ROBO2: variants seen among roughly 807,000 people sequenced by gnomAD.
The protein encoded by ROBO2 is roundabout homolog 2.
In ROBO2, 53 loss-of-function variants were observed where a neutral mutation model predicts 160.8. The observed-to-expected ratio is 0.33, with a 90% CI of 0.26 to 0.41. The LOEUF (loss-of-function observed/expected upper bound fraction) is 0.41, where lower values mean the gene tolerates loss of function less well. ROBO2 is among the 10% of genes least tolerant of loss of function. The pLI, the probability that ROBO2 is intolerant of heterozygous loss-of-function variation, is 1.00. For missense variants in ROBO2, 1,577 were observed against 1,722.4 expected (o/e 0.92, Z 1.49); for synonymous variants, 664 against 611.7 (o/e 1.09, Z -1.26).
At chr3:76,222,718 C>T (rs181019620) in intron 2 of ROBO2, among the ~76,000 whole-genome samples, 1 of 152,070 alleles carries the variant, frequency 6.6e-6, no homozygotes, top group East Asian at 1.9e-4. Context: ...TCAATAAATT[C>T]AGACTGATCC....
intron 1 of ROBO2, among the ~76,000 whole-genome samples, chr3:77,056,984 A>G (rs541335754): frequency 3.9e-5 from 6 of 152,326 alleles, no homozygotes; most frequent in Admixed American, 6.5e-5. Flanking sequence ...AGGATTATCA[A>G]TCATGCTGCT....
chr3:76,617,203 G>A (rs770101932), intron 2 of ROBO2, among the ~76,000 whole-genome samples: 9 of 152,036 alleles, frequency 5.9e-5, no homozygotes, highest in South Asian at 2.1e-4. Flanking sequence ...TCATCTCCCC[G>A]AAACCTGAAA....
chr3:77,221,640 A>G (rs2085804728), intron 2 of ROBO2, among the ~76,000 whole-genome samples: 1 of 152,070 alleles, frequency 6.6e-6, no homozygotes, highest in African/African-American at 2.4e-5. Context: ...AAATAACTCA[A>G]TGACTATTCT....
chr3:77,526,582 T>C (rs1425557526), intron 6 of ROBO2, among the ~76,000 whole-genome samples: 1 of 151,586 alleles, frequency 6.6e-6, no homozygotes, highest in African/African-American at 2.4e-5. Flanking sequence ...TAGCGTGTTA[T>C]TCATTTTTAA....
intron 6 of ROBO2, among the ~76,000 whole-genome samples, chr3:77,530,476 A>T (rs2091604874): frequency 6.6e-6 from 1 of 152,014 alleles, no homozygotes. Context: ...CCTTGCAGTC[A>T]CAGTTGGAAT....
At chr3:76,060,043 T>C (rs1229412280) in intron 2 of ROBO2, among the ~76,000 whole-genome samples, 1 of 152,146 alleles carries the variant, frequency 6.6e-6, no homozygotes, top group African/African-American at 2.4e-5. Flanking sequence ...CTCTTTTATA[T>C]ATTTTTAAGA....
chr3:77,531,848 T>C (rs533280737), intron 6 of ROBO2, among the ~76,000 whole-genome samples: 9 of 152,202 alleles, frequency 5.9e-5, no homozygotes, highest in Non-Finnish European at 1.2e-4. Flanking sequence ...GGACAAGCTG[T>C]TACCCCATGA....
intron 2 of ROBO2, among the ~76,000 whole-genome samples, chr3:77,270,054 G>A (rs1434446180): frequency 6.6e-6 from 1 of 152,114 alleles, no homozygotes; most frequent in Admixed American, 6.6e-5. Flanking sequence ...TAAGAGAATA[G>A]TTACCTTCAT....
intron 2 of ROBO2, among the ~76,000 whole-genome samples, chr3:77,211,231 C>T (rs922912825): frequency 9.9e-5 from 15 of 152,154 alleles, no homozygotes; most frequent in African/African-American, 3.6e-4. Flanking sequence ...CCTATTTCTC[C>T]ACATCCTCTC....
intron 2 of ROBO2, among the ~76,000 whole-genome samples, chr3:76,489,084 C>CA (rs67454494): frequency 0.036 from 2,180 of 60,080 alleles, 245 homozygotes; most frequent in Middle Eastern, 0.053. Flanking sequence ...GACTCTGTCT[C>CA]AAAAAAAAAA....
chr3:77,016,226 C>T (rs1228738043), intron 2 of ROBO2, among the ~76,000 whole-genome samples: 3 of 152,116 alleles, frequency 2.0e-5, no homozygotes, highest in Non-Finnish European at 4.4e-5. Context: ...TCCGCCGCCT[C>T]GGCCTCCCAA....
At chr3:76,559,857 T>C (rs2084051144) in intron 2 of ROBO2, among the ~76,000 whole-genome samples, 1 of 152,136 alleles carries the variant, frequency 6.6e-6, no homozygotes. Flanking sequence ...TTTATTTTCA[T>C]GGCACAAATT....
At chr3:76,883,801 G>A (rs1017416459) in intron 2 of ROBO2, among the ~76,000 whole-genome samples, 3 of 152,064 alleles carry the variant, frequency 2.0e-5, no homozygotes, top group African/African-American at 4.8e-5. Context: ...GGAACTTTTT[G>A]TTCAACAATA....
chr3:76,242,756 A>G (rs1348902277), intron 2 of ROBO2, among the ~76,000 whole-genome samples: 1 of 152,042 alleles, frequency 6.6e-6, no homozygotes, highest in Non-Finnish European at 1.5e-5. Context: ...ATGGTGGTGC[A>G]TGCCTGTGGT....
chr3:75,998,195 GA>G (rs753336268), intron 2 of ROBO2, among the ~76,000 whole-genome samples: 7 of 152,078 alleles, frequency 4.6e-5, no homozygotes. Flanking sequence ...TTAGCTCCTG[GA>G]AAATGTTAGC....
At chr3:75,957,438 A>C (rs1039710839) in intron 2 of ROBO2, among the ~76,000 whole-genome samples, 4 of 151,590 alleles carry the variant, frequency 2.6e-5, no homozygotes, top group Non-Finnish European at 4.4e-5. Flanking sequence ...AAAATATGGT[A>C]GGGCAATTTT....
Position 77,326,980 on chromosome 3 carries a change from A to G in ROBO2, c.389-150434A>G, listed in dbSNP as rs76473735. On this transcript the variant is annotated intron_variant, in intron 2 of 25. Coordinates refer to ENST00000461745, the Ensembl canonical transcript of ROBO2. ...AACATTTAACCTTTTGTGTTAACTG[A>G]TACAGGGAGATACACTTCATATAAT... Among the ~76,000 whole-genome samples the G allele has an allele frequency of 8.8e-3, 1,345 of 152,342 alleles. 21 individuals are homozygous for G. Among genetic ancestry groups the G allele is most frequent in the African/African-American group, 0.03 (1,244 of 41,578 alleles).
At chr3:77,014,250 A>G (rs1385883714) in intron 2 of ROBO2, among the ~76,000 whole-genome samples, 3 of 152,160 alleles carry the variant, frequency 2.0e-5, no homozygotes, top group Non-Finnish European at 2.9e-5. Flanking sequence ...CCTGTCTCTT[A>G]TTCTACATTC....
intron 2 of ROBO2, among the ~76,000 whole-genome samples, chr3:76,265,246 C>T (rs1364204374): frequency 1.3e-5 from 2 of 152,098 alleles, no homozygotes; most frequent in African/African-American, 4.8e-5. Flanking sequence ...ACTATATTCT[C>T]CTTTAGGATC....
Sources: allele counts gnomAD v4.1 joint callset (sites outside exome capture counted in the v4.1 genomes callset), GRCh38; gene constraint gnomAD v4.1.1; transcripts MANE v1.5; gene names NCBI Gene and HGNC (gene_info 2026-07-23, HGNC 2026-07-21).